The following SESN1 variants were observed in gnomAD, a reference collection of about 807,000 sequenced individuals.
The protein encoded by SESN1 is sestrin-1.
In SESN1, 30 loss-of-function variants were observed where a neutral mutation model predicts 59.3. That is an observed-to-expected ratio of 0.51 (90% confidence interval 0.38 to 0.69). The LOEUF (loss-of-function observed/expected upper bound fraction) is 0.69, where lower values mean the gene tolerates loss of function less well. Among genes scored for constraint, SESN1 ranks in the 30% least tolerant of loss-of-function variants. SESN1 has a pLI of 0.00. For missense variants in SESN1, 566 were observed against 673.0 expected (o/e 0.84, Z 1.76); for synonymous variants, 197 against 219.9 (o/e 0.90, Z 0.92).
intron 1 of SESN1, among the ~76,000 whole-genome samples, chr6:109,087,313 G>A (rs1298275704): frequency 6.6e-6 from 1 of 151,210 alleles, no homozygotes; most frequent in African/African-American, 2.4e-5. Context: ...AAGTCAGAAA[G>A]TGAAAAAAAA....
chr6:109,001,161 CTG>C (rs1466715136), intron 3 of SESN1, 125 bp downstream of exon 3: 2 of 798,460 alleles, frequency 2.5e-6, no homozygotes, highest in African/African-American at 1.7e-5. Context: ...AAAACAGAGA[CTG>C]TGCAACAGGA....
At chr6:109,090,814 G>A (rs1781304903) in intron 1 of SESN1, among the ~76,000 whole-genome samples, 1 of 152,094 alleles carries the variant, frequency 6.6e-6, no homozygotes, top group Admixed American at 6.6e-5. Context: ...GTCGCCAGAG[G>A]GCTGGAGGAC....
At chr6:109,010,202 C>G (rs1779833857) in intron 1 of SESN1, among the ~76,000 whole-genome samples, 1 of 152,108 alleles carries the variant, frequency 6.6e-6, no homozygotes, top group South Asian at 2.1e-4. Flanking sequence ...TAAGCGCCCT[C>G]CCTGGGTTAT....
intron 1 of SESN1, among the ~76,000 whole-genome samples, chr6:109,051,728 T>C (rs1780546200): frequency 6.6e-6 from 1 of 152,196 alleles, no homozygotes; most frequent in Admixed American, 6.5e-5. Context: ...ATTTAAAAAA[T>C]CTTTTGTTTT....
chr6:108,986,334 T>C lies in SESN1; in HGVS notation c.*1210A>G, dbSNP rs779921659. 4.6e-5 allele frequency: 7 copies of C among 152,566 alleles called. No homozygotes were observed. Among genetic ancestry groups the C allele is most frequent in the African/African-American group, 1.2e-4 (5 of 41,420 alleles). 9.5% of individuals were successfully genotyped at this position (152,566 alleles called of 1,614,324 possible). ...TTTCAAAATGGCTTCAAGTGTTGTTTTGCCATTTAAGTGTGAATGTACTTG... is the reference window on the plus strand; with the variant it reads ...TTTCAAAATGGCTTCAAGTGTTGTTCTGCCATTTAAGTGTGAATGTACTTG... On this transcript the variant is annotated 3_prime_UTR_variant, in exon 10 of 10. Transcript: ENST00000436639.
At chr6:109,087,502 CA>C (rs1184249903) in intron 1 of SESN1, among the ~76,000 whole-genome samples, 1 of 152,000 alleles carries the variant, frequency 6.6e-6, no homozygotes, top group African/African-American at 2.4e-5. Context: ...AAGTAAGCCA[CA>C]AGGCTTTCTG....
intron 1 of SESN1, among the ~76,000 whole-genome samples, chr6:109,027,476 CAAAAAAAAAA>C (rs57225616): frequency 1.8e-4 from 5 of 27,324 alleles, no homozygotes; most frequent in East Asian, 1.4e-3. Context: ...GACTCTGTCT[CAAAAAAAAAA>C]AAAAAAAAAA....
intron 1 of SESN1, among the ~76,000 whole-genome samples, chr6:109,052,670 TAA>T (rs1780559795): frequency 6.6e-6 from 1 of 152,344 alleles, no homozygotes; most frequent in Admixed American, 6.5e-5. Context: ...AGGTTTTATA[TAA>T]GTTACTGGCA....
At chr6:109,013,872 C>A (rs1043299269) in intron 1 of SESN1, among the ~76,000 whole-genome samples, 1 of 152,186 alleles carries the variant, frequency 6.6e-6, no homozygotes, top group African/African-American at 2.4e-5. Context: ...TTTTTCTCCT[C>A]CAGCTCATAT....
At chr6:109,020,499 C>T (rs1056109594) in intron 1 of SESN1, among the ~76,000 whole-genome samples, 4 of 152,116 alleles carry the variant, frequency 2.6e-5, no homozygotes, top group African/African-American at 9.7e-5. Context: ...ATATAAAATA[C>T]TAGTAAAAAC....
chr6:109,084,277 T>G (rs954786329), intron 1 of SESN1, among the ~76,000 whole-genome samples: 3 of 152,176 alleles, frequency 2.0e-5, no homozygotes, highest in Non-Finnish European at 1.5e-5. Flanking sequence ...GCTTAGGAAT[T>G]AGGCCAGGCA....
At chr6:108,997,980 A>C (rs933467225) in intron 5 of SESN1, among the ~76,000 whole-genome samples, 10 of 152,230 alleles carry the variant, frequency 6.6e-5, no homozygotes, top group African/African-American at 2.4e-4. Context: ...ATTTTAACAC[A>C]TTTACATTCA....
intron 1 of SESN1, among the ~76,000 whole-genome samples, chr6:109,067,273 C>T (rs1053212374): frequency 2.0e-5 from 3 of 152,126 alleles, no homozygotes; most frequent in Admixed American, 6.5e-5. Flanking sequence ...ACTGCAGGTC[C>T]TCCACACCAT....
At position 108,998,717 on chromosome 6, in the gene SESN1, C is replaced by T. The variant is rs764390360; in HGVS notation, c.768G>A (p.Ala256=). 36 of 1,613,450 alleles carry T rather than the reference C, an allele frequency of 2.2e-5. No homozygotes were observed. Among genetic ancestry groups the T allele is most frequent in the Admixed American group, 2.0e-4 (12 of 59,980 alleles). Residue 256 remains alanine, a synonymous_variant, in exon 5 of 10, where the codon GCG becomes GCA. Coordinates refer to ENST00000436639, the MANE Select transcript of SESN1 (RefSeq NM_014454.3). The part of the protein sequence containing the change: ...LKAEEHSWSL[A]ELVHAVVLLT... ...GTAAAACTACTGCATGTACCAATTC[C>T]GCAAGGGACCAGCTGTGCTCTTCAG...
chr6:109,049,392 A>G (rs1780506729), intron 1 of SESN1, among the ~76,000 whole-genome samples: 1 of 152,136 alleles, frequency 6.6e-6, no homozygotes, highest in Non-Finnish European at 1.5e-5. Context: ...GTAGGGGGAA[A>G]GGGGGGAATA....
chr6:108,988,811 A>C (rs1428720541), intron 8 of SESN1, 124 bp from the exon 9 acceptor site: 3 of 672,870 alleles, frequency 4.5e-6, no homozygotes, highest in East Asian at 3.0e-5. Flanking sequence ...AGCTGTCCCC[A>C]AAAATGATAG....
intron 4 of SESN1, among the ~76,000 whole-genome samples, chr6:108,999,671 G>T (rs1424825812): frequency 6.6e-6 from 1 of 152,122 alleles, no homozygotes; most frequent in Non-Finnish European, 1.5e-5. Flanking sequence ...CTTCATTGCT[G>T]GTGGGAATGC....
chr6:108,998,272 T>C (rs180767808), intron 5 of SESN1, among the ~76,000 whole-genome samples: 81 of 152,322 alleles, frequency 5.3e-4, no homozygotes, highest in African/African-American at 1.8e-3. Context: ...ATTATCTAAA[T>C]GTAAACTCCT....
chr6:109,012,539 C>T (rs1006589793), intron 1 of SESN1, among the ~76,000 whole-genome samples: 1 of 152,058 alleles, frequency 6.6e-6, no homozygotes. Context: ...TAACAGAGAA[C>T]TATGAAATAT....
Sources: gnomAD v4.1 joint callset for allele counts (sites outside exome capture counted in the v4.1 genomes callset) on GRCh38, gnomAD v4.1.1 for gene constraint, MANE v1.5 for transcripts, NCBI Gene and HGNC (gene_info 2026-07-23, HGNC 2026-07-21) for gene names.